Variants in RBM45 observed in about 807,000 individuals in gnomAD.
The protein encoded by RBM45 is RNA-binding protein 45.
RBM45 carries 39 observed loss-of-function variants against 58.5 expected under a neutral mutation model. The observed-to-expected ratio is 0.67, with a 90% confidence interval of 0.52 to 0.87. The LOEUF is 0.87. Ranked by LOEUF, RBM45 falls within the 40% of genes least tolerant of loss-of-function variation. The pLI is 0.00. For synonymous variants in RBM45, 193 were observed against 203.0 expected (o/e 0.95, Z 0.42); for missense variants, 481 against 581.6 (o/e 0.83, Z 1.78).
chr2:178,124,003 T>G, intron 7 of RBM45, 91 bp downstream of exon 7: 1 of 1,504,426 alleles, frequency 6.6e-7, no homozygotes, highest in Non-Finnish European at 9.2e-7. Context: ...TATCTGTGTA[T>G]GAAAATTTTC....
At chr2:178,118,522 CTTTATATTTG>C (rs372842124) in intron 3 of RBM45, among the ~76,000 whole-genome samples, 3,018 of 151,800 alleles carry the variant, frequency 0.02, 40 homozygotes, top group Non-Finnish European at 0.029. Flanking sequence ...TTAAAATATT[CTTTATATTTG>C]TTTATATTTG....
chr2:178,117,455 T>C (rs1234119072), intron 2 of RBM45, among the ~76,000 whole-genome samples: 1 of 152,226 alleles, frequency 6.6e-6, no homozygotes, highest in Non-Finnish European at 1.5e-5. Context: ...TGCATGTTTC[T>C]CAGAATAGTA....
intron 1 of RBM45, 150 bp downstream of exon 1, chr2:178,112,996 T>C: frequency 1.3e-6 from 1 of 784,336 alleles, no homozygotes; most frequent in Non-Finnish European, 2.0e-6. Context: ...CAGGGGCTGC[T>C]TTGAGGAGAG....
rs1422765061 is a variant in RBM45, at chr2:178,126,022, G to GA, written c.1277dup (p.Asn426LysfsTer10). ...CTGATCGAAGTTTACCTTGTGTCAG[G>GA]AAAAAATGTGGGGTATGCCAAGTAT... On this transcript the variant is annotated frameshift_variant, in exon 9 of 10. Coordinates refer to ENST00000286070, the MANE Select transcript of RBM45 (RefSeq NM_152945.4). LOFTEE classifies it high-confidence loss of function. 6.2e-7 allele frequency: 1 copy of GA among 1,613,654 alleles called. No homozygotes were observed. The highest frequency in any genetic ancestry group is 2.2e-5 in the East Asian group (1 of 44,864).
intron 3 of RBM45, among the ~76,000 whole-genome samples, chr2:178,118,935 A>G (rs2087813726): frequency 6.6e-6 from 1 of 152,208 alleles, no homozygotes; most frequent in Non-Finnish European, 1.5e-5. Flanking sequence ...GCTAGCAGTA[A>G]TTGAGTACCT....
At chr2:178,137,310 A>G (rs1015583033) in exon 4 of RBM45, 1 of 152,204 alleles carries the variant, frequency 6.6e-6, no homozygotes, top group Non-Finnish European at 1.5e-5. Context: ...CGCTTGGGAA[A>G]ATGTTTGACA....
chr2:178,115,814 A>G (rs1194619264), intron 1 of RBM45, among the ~76,000 whole-genome samples: 1 of 152,206 alleles, frequency 6.6e-6, no homozygotes, highest in Non-Finnish European at 1.5e-5. Context: ...GTAGAAATAC[A>G]TTTGGGAAAA....
At chr2:178,124,769 G>A (rs189036842) in intron 8 of RBM45, among the ~76,000 whole-genome samples, 116 of 152,280 alleles carry the variant, frequency 7.6e-4, no homozygotes, top group African/African-American at 2.5e-3. Flanking sequence ...AGCCAAGATT[G>A]TGCTACTGTA....
intron 5 of RBM45, among the ~76,000 whole-genome samples, chr2:178,122,919 G>A (rs2087874156): frequency 6.6e-6 from 1 of 152,090 alleles, no homozygotes; most frequent in Non-Finnish European, 1.5e-5. Context: ...TCTAAGGAAT[G>A]CATTATAACA....
chr2:178,127,142 T>C (rs1361739164), intron 9 of RBM45, among the ~76,000 whole-genome samples: 1 of 152,074 alleles, frequency 6.6e-6, no homozygotes, highest in Non-Finnish European at 1.5e-5. Flanking sequence ...TTCACCGTGT[T>C]TCGATCTCCT....
chr2:178,127,498 A>G (rs2087948666), intron 9 of RBM45, among the ~76,000 whole-genome samples: 1 of 152,352 alleles, frequency 6.6e-6, no homozygotes, highest in South Asian at 2.1e-4. Flanking sequence ...TCACATGATT[A>G]GTTCCTCCTT....
At chr2:178,134,527 A>G (rs1263212443), downstream of RBM45, among the ~76,000 whole-genome samples, 1 of 151,856 alleles carries the variant, frequency 6.6e-6, no homozygotes, top group Non-Finnish European at 1.5e-5. Flanking sequence ...AACAGCATTC[A>G]TTAGCTCAGA....
chr2:178,123,929 T>C lies in RBM45; in HGVS notation c.1068+17T>C, dbSNP rs1452156894. The C allele has an allele frequency of 1.9e-6, 3 of 1,597,114 alleles. No homozygotes were observed. The South Asian group carries it at 3.3e-5, about 18-fold the overall frequency. ...CAATTTATGGTAAGTAGGTAAGAAT[T>C]TAACCTTTATAATATATCAATAGCA... On this transcript the variant is annotated intron_variant, in intron 7 of 9. Coordinates refer to ENST00000286070, the MANE Select transcript of RBM45 (RefSeq NM_152945.4).
chr2:178,114,076 G>A (rs919162807), intron 1 of RBM45, among the ~76,000 whole-genome samples: 2 of 152,168 alleles, frequency 1.3e-5, no homozygotes, highest in Non-Finnish European at 2.9e-5. Context: ...ACAGCATACA[G>A]GATCAGGAAT....
rs1264877241 is a variant in RBM45, at chr2:178,112,474, G to A, written c.-73G>A. 3 of 1,405,344 alleles carry A rather than the reference G, an allele frequency of 2.1e-6. No individual in the cohort carries two copies. The highest frequency in any genetic ancestry group is 2.0e-6 in the Non-Finnish European group (2 of 1,014,034). The allele number at this position is 1,405,344 out of a possible 1,614,324, so 87.1% of individuals were successfully genotyped here. On this transcript the variant is annotated 5_prime_UTR_variant, in exon 1 of 10. It adds an upstream start codon to the 5' untranslated region. Coordinates refer to ENST00000286070, the MANE Select transcript of RBM45 (RefSeq NM_152945.4). ...GAGCACCGAGCCGGCAAAGGCTTGG[G>A]TGTGAGACAGCAGCGGTGGCAGACA... is the stretch of plus-strand genomic sequence containing the variant.
intron 8 of RBM45, 63 bp from the exon 9 acceptor site, chr2:178,125,921 A>G: frequency 7.1e-7 from 1 of 1,403,866 alleles, no homozygotes; most frequent in Non-Finnish European, 1.0e-6. Flanking sequence ...TGGACTCCAA[A>G]TTTTAGACCT....
rs143256665 is a variant in RBM45, at chr2:178,123,877, A to G, written c.1033A>G (p.Met345Val). 6.3e-5 allele frequency: 101 copies of G among 1,614,012 alleles called. No homozygotes were observed. The highest frequency in any genetic ancestry group is 7.2e-5 in the Non-Finnish European group (85 of 1,179,988). ...GATGGTAGCTGCACAGCTTGCATCA[A>G]TGGTGTGGAATAACCCAAGTCAGCA... ...TQMVAAQLAS[M>V]VWNNPSQQQF... The change falls in exon 7 of 10, where the codon ATG (methionine) becomes GTG (valine). Residue 345 changes from methionine (M) to valine (V), a missense_variant. By Grantham distance (21) the Met-to-Val change is conservative. Coordinates refer to ENST00000286070, the MANE Select transcript of RBM45 (RefSeq NM_152945.4).
At chr2:178,123,673 T>C in intron 6 of RBM45, 22 bp downstream of exon 6, 1 of 1,591,274 alleles carries the variant, frequency 6.3e-7, no homozygotes, top group Non-Finnish European at 8.5e-7. Context: ...TCCAGGAGTG[T>C]CTAAAGCCGA....
At chr2:178,118,538 AT>A (rs1483836467) in intron 3 of RBM45, among the ~76,000 whole-genome samples, 4 of 151,770 alleles carry the variant, frequency 2.6e-5, no homozygotes, top group Non-Finnish European at 5.9e-5. Context: ...ATTTGTTTAT[AT>A]TTGATCTACA....
Sources: gnomAD v4.1 joint callset for allele counts (sites outside exome capture counted in the v4.1 genomes callset) on GRCh38, gnomAD v4.1.1 for gene constraint, MANE v1.5 for transcripts, NCBI Gene and HGNC (gene_info 2026-07-23, HGNC 2026-07-21) for gene names.